ASPH: variants seen among roughly 807,000 people sequenced by gnomAD.
ASPH encodes the protein aspartate beta-hydroxylase.
In ASPH, 100 loss-of-function variants were observed where a neutral mutation model predicts 118.4. The observed-to-expected ratio is 0.84, with a 90% CI of 0.72 to 1.00. ASPH has a LOEUF of 1.00. Among genes scored for constraint, ASPH ranks in the 50% least tolerant of loss-of-function variants. The pLI, the probability that ASPH is intolerant of heterozygous loss-of-function variation, is 0.00. For missense variants in ASPH, 920 were observed against 919.5 expected, an observed-to-expected ratio of 1.00 and a Z score of -0.01; for synonymous variants, 315 against 325.6, an observed-to-expected ratio of 0.97 and a Z score of 0.35.
chr8:61,651,576 T>A (rs1810993089), intron 4 of ASPH: 1 of 154,214 alleles, frequency 6.5e-6, no homozygotes, highest in African/African-American at 2.4e-5. Flanking sequence ...CTATCTTCCC[T>A]GAGAGGAGAA....
chr8:61,651,354 A>G (rs1279503113), intron 4 of ASPH: 8 of 365,266 alleles, frequency 2.2e-5, no homozygotes, highest in African/African-American at 1.5e-4. Flanking sequence ...AATACTTTCA[A>G]TAAGATTTTT....
At chr8:61,698,932 C>T (rs929929131) in intron 1 of ASPH, among the ~76,000 whole-genome samples, 14 of 152,170 alleles carry the variant, frequency 9.2e-5, no homozygotes, top group African/African-American at 3.4e-4. Context: ...ATTAACTTTA[C>T]CCAAAGAGAA....
Position 61,577,110 on chromosome 8 carries a change from G to A in ASPH, c.1063-252C>T, listed in dbSNP as rs574881154. On this transcript the variant is annotated intron_variant, in intron 15 of 24. Transcript: ENST00000379454. ...CAAACATCGCATGTTCTCACTCATA[G>A]ATGGGAATTGAACAATGAGAACACT... is the stretch of plus-strand genomic sequence containing the variant. Among the ~76,000 whole-genome samples the A allele has an allele frequency of 9.9e-5, 15 of 152,062 alleles. 1 individual carries two copies. The South Asian group carries it at 1.5e-3, about 15-fold the overall frequency.
chr8:61,567,481 G>GA (rs1246374651), intron 16 of ASPH, among the ~76,000 whole-genome samples, 163 bp from the exon 17 acceptor site: 2 of 152,124 alleles, frequency 1.3e-5, no homozygotes, highest in African/African-American at 4.8e-5. Flanking sequence ...ACAAAAGATA[G>GA]AAAATCAACA....
chr8:61,694,720 A>G (rs559776555), intron 1 of ASPH, among the ~76,000 whole-genome samples: 17 of 152,054 alleles, frequency 1.1e-4, no homozygotes, highest in African/African-American at 3.9e-4. Flanking sequence ...TTCCTATGCC[A>G]CCTCTCTAGT....
intron 18 of ASPH, among the ~76,000 whole-genome samples, chr8:61,559,449 CTCTT>C (rs988571300): frequency 2.0e-5 from 3 of 152,074 alleles, no homozygotes; most frequent in Admixed American, 1.3e-4. Context: ...GATTGTCTCT[CTCTT>C]TCTCTCTCTC....
At chr8:61,684,215 A>G (rs745427025) in intron 1 of ASPH, 27 bp from the exon 2 acceptor site, 11 of 1,587,754 alleles carry the variant, frequency 6.9e-6, no homozygotes, top group Admixed American at 3.6e-5. Flanking sequence ...GTAAGATATC[A>G]TAAGAAGAAA....
chr8:61,664,554 G>C (rs1353270759), intron 3 of ASPH: 4 of 985,224 alleles, frequency 4.1e-6, no homozygotes, highest in Non-Finnish European at 4.8e-6. Context: ...GAAGGGTGAG[G>C]TTGTTGTAGG....
At chr8:61,702,876 G>C (rs1336982881) in intron 1 of ASPH, among the ~76,000 whole-genome samples, 2 of 152,024 alleles carry the variant, frequency 1.3e-5, no homozygotes, top group Non-Finnish European at 2.9e-5. Flanking sequence ...AATATCAATA[G>C]GTGCAGAGAA....
At chr8:61,627,100 T>C (rs559060436) in intron 13 of ASPH, among the ~76,000 whole-genome samples, 148 of 152,298 alleles carry the variant, frequency 9.7e-4, no homozygotes, top group Middle Eastern at 3.4e-3. Flanking sequence ...AGACATTCTA[T>C]ATATACCTTT....
chr8:61,653,031 G>A (rs979318214), intron 4 of ASPH, among the ~76,000 whole-genome samples: 9 of 152,072 alleles, frequency 5.9e-5, no homozygotes, highest in East Asian at 1.9e-4. Flanking sequence ...AATATTTCAC[G>A]ACTTTCCTAC....
At chr8:61,511,449 G>A (rs16927431) in intron 24 of ASPH, among the ~76,000 whole-genome samples, 11,470 of 152,184 alleles carry the variant, frequency 0.075, 1,246 homozygotes, top group African/African-American at 0.24. Context: ...ATTGTGGAAT[G>A]CCCTTGGAGA....
chr8:61,595,642 G>A (rs1015750800), intron 14 of ASPH, among the ~76,000 whole-genome samples: 1 of 152,216 alleles, frequency 6.6e-6, no homozygotes, highest in African/African-American at 2.4e-5. Context: ...GAGAGATAGG[G>A]ATCACATTCC....
At chr8:61,559,475 C>A (rs1336387299) in intron 18 of ASPH, among the ~76,000 whole-genome samples, 2 of 152,170 alleles carry the variant, frequency 1.3e-5, no homozygotes, top group African/African-American at 2.4e-5. Context: ...ATAAAACACA[C>A]ACATCCATAC....
At chr8:61,617,580 A>C (rs1033547127) in intron 14 of ASPH, among the ~76,000 whole-genome samples, 1 of 152,190 alleles carries the variant, frequency 6.6e-6, no homozygotes, top group Non-Finnish European at 1.5e-5. Context: ...TCTGATATTA[A>C]GGAGAAAACT....
intron 13 of ASPH, chr8:61,625,092 C>A: frequency 1.0e-6 from 1 of 985,708 alleles, no homozygotes. Flanking sequence ...CCTAATATAT[C>A]GATCAAACCA....
At position 61,502,287 on chromosome 8, in the gene ASPH, A is replaced by G. The variant is rs562623815; in HGVS notation, c.*1072T>C. 6.6e-6 allele frequency: 1 copy of G among 152,340 alleles called. No homozygotes were observed. The highest frequency in any genetic ancestry group is 2.1e-4 in the South Asian group (1 of 4,834). The allele number at this position is 152,340 out of a possible 1,614,324, so 9.4% of individuals were successfully genotyped here. A position where few individuals can be genotyped will look rare whatever the true frequency, so the allele number is the denominator to read the frequency against. On this transcript the variant is annotated 3_prime_UTR_variant, in exon 25 of 25. Coordinates refer to ENST00000379454, the MANE Select transcript of ASPH (RefSeq NM_004318.4). ...TAATCTGGACCTCCTACGCCCAAGA[A>G]AAACATCCTGGCATTCTTGGTAACC...
intron 21 of ASPH, among the ~76,000 whole-genome samples, chr8:61,545,882 G>A (rs1425605475): frequency 2.0e-5 from 3 of 152,158 alleles, no homozygotes; most frequent in Non-Finnish European, 4.4e-5. Flanking sequence ...GTGGAAATCT[G>A]ACTTAAATTG....
intron 1 of ASPH, among the ~76,000 whole-genome samples, chr8:61,697,136 C>T (rs995091340): frequency 6.6e-6 from 1 of 152,170 alleles, no homozygotes; most frequent in Non-Finnish European, 1.5e-5. Flanking sequence ...ATTAGCACAG[C>T]ATACACAGAA....
Sources: gnomAD v4.1 joint callset for allele counts (sites outside exome capture counted in the v4.1 genomes callset) on GRCh38, gnomAD v4.1.1 for gene constraint, MANE v1.5 for transcripts, NCBI Gene and HGNC (gene_info 2026-07-23, HGNC 2026-07-21) for gene names.